DSCC1: variants seen among roughly 807,000 people sequenced by gnomAD.
DSCC1 encodes the protein DNA replication and sister chromatid cohesion 1.
In DSCC1, 32 loss-of-function variants were observed where a neutral mutation model predicts 48.2. The ratio of observed to expected loss-of-function variants is 0.66; its 90% CI spans 0.50 to 0.89. The LOEUF (loss-of-function observed/expected upper bound fraction) is 0.89. DSCC1 is among the 40% of genes least tolerant of loss of function. The pLI, the probability that DSCC1 is intolerant of heterozygous loss-of-function variation, is 0.00. For synonymous variants in DSCC1, 150 were observed against 171.5 expected (o/e 0.87, Z 0.98); for missense variants, 421 against 471.7 (o/e 0.89, Z 1.00).
intron 2 of DSCC1, among the ~76,000 whole-genome samples, chr8:119,852,406 T>C (rs7015550): frequency 0.093 from 14,138 of 152,238 alleles, 940 homozygotes; most frequent in African/African-American, 0.18. Context: ...CAGGCTGGAG[T>C]GCAGTGGCGT....
At position 119,834,638 on chromosome 8, in the gene DSCC1, T is replaced by G; in HGVS notation, c.*255A>C. On this transcript the variant is annotated 3_prime_UTR_variant, in exon 9 of 9. Coordinates refer to ENST00000313655, the MANE Select transcript of DSCC1 (RefSeq NM_024094.3). ...AAAAAGCCAAACTTTAAATAAATCA[T>G]AGAGACCTCAGACATAATATAGGAA... 1 of 324,212 alleles carries G rather than the reference T, an allele frequency of 3.1e-6. No homozygotes were observed. Among genetic ancestry groups the G allele is most frequent in the Non-Finnish European group, 5.6e-6 (1 of 180,014 alleles). 20.1% of individuals were successfully genotyped at this position (324,212 alleles called of 1,614,324 possible).
At chr8:119,846,347 C>T (rs542973122) in intron 4 of DSCC1, among the ~76,000 whole-genome samples, 9 of 152,146 alleles carry the variant, frequency 5.9e-5, no homozygotes, top group East Asian at 5.8e-4. Flanking sequence ...CTCCTGACGT[C>T]GTGATCGGCC....
At chr8:119,843,880 A>T (rs1283466552) in intron 4 of DSCC1, 133 bp from the exon 5 acceptor site, 1 of 844,070 alleles carries the variant, frequency 1.2e-6, no homozygotes, top group Non-Finnish European at 1.8e-6. Context: ...GGTTTCAAGC[A>T]ATTCTGCCAT....
In DSCC1 at chr8:119,838,406, C is replaced by T; in HGVS notation, c.926G>A (p.Gly309Asp). The change falls in exon 8 of 9, where the codon GGT becomes GAT. Residue 309 changes from glycine to aspartate, a missense_variant and splice_region_variant. By Grantham distance (94) the Gly-to-Asp change is moderately conservative (BLOSUM62 -1). Transcript: ENST00000313655. ...CGAGTGTCTATCCACCAGCGCTAAACCCTACAAGAAATGAGAAGAAACAGA... is the reference window on the plus strand; with the variant it reads ...CGAGTGTCTATCCACCAGCGCTAAATCCTACAAGAAATGAGAAGAAACAGA... ...GMVTSLDQLK[G>D]LALVDRHSRP... 6.3e-7 allele frequency: 1 copy of T among 1,575,196 alleles called. No individual in the cohort carries two copies. Among genetic ancestry groups the T allele is most frequent in the Non-Finnish European group, 8.6e-7 (1 of 1,166,138 alleles).
chr8:119,854,427 G>T (rs1240652396), intron 1 of DSCC1, among the ~76,000 whole-genome samples: 3 of 152,172 alleles, frequency 2.0e-5, no homozygotes, highest in Non-Finnish European at 4.4e-5. Flanking sequence ...TGAAATAGCA[G>T]ACTGTGTATT....
intron 7 of DSCC1, 61 bp downstream of exon 7, chr8:119,841,732 GT>G: frequency 6.4e-7 from 1 of 1,566,086 alleles, no homozygotes; most frequent in Non-Finnish European, 8.7e-7. Flanking sequence ...TCCAACTCAA[GT>G]ATCATTCACC....
chr8:119,849,460 A>G (rs992808172), intron 3 of DSCC1, among the ~76,000 whole-genome samples: 3 of 152,224 alleles, frequency 2.0e-5, no homozygotes, highest in African/African-American at 7.2e-5. Context: ...TGAACCTTGA[A>G]ATGATCACGC....
At chr8:119,845,950 A>C (rs1282176195) in intron 4 of DSCC1, among the ~76,000 whole-genome samples, 2 of 152,066 alleles carry the variant, frequency 1.3e-5, no homozygotes, top group Admixed American at 6.6e-5. Flanking sequence ...CTCCATCCAA[A>C]AGAAAAAAAA....
intron 4 of DSCC1, among the ~76,000 whole-genome samples, 167 bp from the exon 5 acceptor site, chr8:119,843,914 C>G (rs1221538206): frequency 1.3e-5 from 2 of 152,012 alleles, no homozygotes; most frequent in Admixed American, 6.6e-5. Context: ...GCAGCTGGGA[C>G]TACGGGCACG....
intron 7 of DSCC1, chr8:119,839,731 T>A (rs1385002029): frequency 6.6e-6 from 1 of 152,240 alleles, no homozygotes; most frequent in African/African-American, 2.4e-5. Context: ...CTCACAAGCA[T>A]CCTTTACTCC....
chr8:119,838,199 G>C lies in DSCC1; in HGVS notation c.1073+60C>G, dbSNP rs542624861. 6.0e-5 allele frequency: 88 copies of C among 1,466,852 alleles called. 2 individuals are homozygous for C. In the African/African-American group the frequency reaches 1.2e-3, roughly 20 times the overall value. The allele number at this position is 1,466,852 out of a possible 1,614,324, so 90.9% of individuals were successfully genotyped here. On this transcript the variant is annotated intron_variant, in intron 8 of 8. Transcript: ENST00000313655. ...TGTGTTCCAATCATAAATCTAAAATGCTGTGCCATTGACTATAAAAAGAAC... is the reference window on the plus strand; with the variant it reads ...TGTGTTCCAATCATAAATCTAAAATCCTGTGCCATTGACTATAAAAAGAAC...
chr8:119,849,615 G>C (rs995201163), intron 3 of DSCC1, among the ~76,000 whole-genome samples: 3 of 152,208 alleles, frequency 2.0e-5, no homozygotes, highest in African/African-American at 7.2e-5. Context: ...GTACTGGAAG[G>C]TGACAGCTAA....
intron 3 of DSCC1, among the ~76,000 whole-genome samples, chr8:119,847,321 ACC>A: frequency 6.6e-6 from 1 of 152,320 alleles, no homozygotes; most frequent in East Asian, 1.9e-4. Flanking sequence ...GACACCAAAA[ACC>A]CAAACAACAA....
In DSCC1 at chr8:119,853,908, C is replaced by G. The variant is rs755596756; in HGVS notation, c.183-693G>C. The stretch of plus-strand genomic sequence containing the variant: ...AACTGTACTAAACCAAAGACTTTGA[C>G]AAAGGGATTTTGAAGAAAAGCAAGA... On this transcript the variant is annotated intron_variant, in intron 1 of 8. Coordinates refer to ENST00000313655, the MANE Select transcript of DSCC1 (RefSeq NM_024094.3). Among the ~76,000 whole-genome samples, 50 of 152,174 alleles carry G rather than the reference C, an allele frequency of 3.3e-4. 1 individual carries two copies. The highest frequency in any genetic ancestry group is 2.1e-4 in the South Asian group (1 of 4,828).
chr8:119,854,559 C>A (rs1047818980), intron 1 of DSCC1, among the ~76,000 whole-genome samples: 1 of 152,188 alleles, frequency 6.6e-6, no homozygotes, highest in African/African-American at 2.4e-5. Flanking sequence ...AACTGCACTA[C>A]CCCCACTTTG....
intron 3 of DSCC1, among the ~76,000 whole-genome samples, chr8:119,849,184 CAAAAAAAAAA>C (rs550853227): frequency 1.7e-4 from 5 of 29,506 alleles, no homozygotes; most frequent in African/African-American, 3.8e-4. Context: ...GACTCCCTCT[CAAAAAAAAAA>C]AAAAAAAAAA....
chr8:119,844,333 GGAGGCT>G (rs1563944838), intron 4 of DSCC1, among the ~76,000 whole-genome samples: 1 of 151,532 alleles, frequency 6.6e-6, no homozygotes, highest in East Asian at 2.0e-4. Flanking sequence ...CAGCTGCTCA[GGAGGCT>G]GAGGCATGAG....
chr8:119,835,871 G>C (rs1308079319), intron 8 of DSCC1, among the ~76,000 whole-genome samples: 1 of 152,214 alleles, frequency 6.6e-6, no homozygotes, highest in Non-Finnish European at 1.5e-5. Context: ...GGAGGAATAG[G>C]AGGACGTGAG....
chr8:119,843,128 T>G (rs976027430), intron 5 of DSCC1, among the ~76,000 whole-genome samples: 1 of 151,398 alleles, frequency 6.6e-6, no homozygotes, highest in Non-Finnish European at 1.5e-5. Flanking sequence ...TATTTTTTTT[T>G]TTTTTTTGAG....
Sources: allele counts gnomAD v4.1 joint callset (sites outside exome capture counted in the v4.1 genomes callset), GRCh38; gene constraint gnomAD v4.1.1; transcripts MANE v1.5; gene names NCBI Gene and HGNC (gene_info 2026-07-23, HGNC 2026-07-21).